The following CFAP47 variants were observed in gnomAD, a reference collection of about 807,000 sequenced individuals.
CFAP47 encodes cilia- and flagella-associated protein 47.
In CFAP47, 29 loss-of-function variants were observed where a neutral mutation model predicts 148.1. The observed-to-expected ratio is 0.20, with a 90% CI of 0.15 to 0.27. The LOEUF (loss-of-function observed/expected upper bound fraction) is 0.27. CFAP47 is among the 10% of genes least tolerant of loss of function. The pLI is 1.00. For missense variants in CFAP47, 1,872 were observed against 1,697.5 expected (o/e 1.10, Z -1.81); for synonymous variants, 664 against 577.3 (o/e 1.15, Z -2.15).
At chrX:36,125,899 T>C (rs1351113355) in intron 33 of CFAP47, among the ~76,000 whole-genome samples, 2 of 111,462 alleles carry the variant, frequency 1.8e-5, no homozygotes, top group Non-Finnish European at 3.8e-5. Flanking sequence ...TCATTTTTGC[T>C]ACATTTACTA....
chrX:35,968,644 C>T (rs757736237), intron 10 of CFAP47, among the ~76,000 whole-genome samples: 1 of 111,330 alleles, frequency 9.0e-6, no homozygotes, highest in African/African-American at 3.3e-5. Flanking sequence ...CAGACATTTT[C>T]TTGCAATACC....
intron 62 of CFAP47, among the ~76,000 whole-genome samples, chrX:36,370,145 C>T (rs1430875308): frequency 1.8e-5 from 2 of 111,061 alleles, no homozygotes; most frequent in East Asian, 5.7e-4. Context: ...TACATGTGCA[C>T]AACGTGCAGG....
rs1221854983 is a variant in CFAP47, at chrX:35,945,936, G to T, written c.518-2378G>T. Among the ~76,000 whole-genome samples the T allele has an allele frequency of 1.5e-4, 15 of 97,929 alleles. No individual in the cohort carries two copies. In the Admixed American group the frequency reaches 1.8e-3, roughly 12 times the overall value. 85.0% of individuals were successfully genotyped at this position (97,929 alleles called of 115,157 possible). On this transcript the variant is annotated intron_variant, in intron 3 of 63. Transcript: ENST00000378653. ...CACCCAGGCTGGAGTGCAGCGGCGT[G>T]CTCTTGGCTCACTGCAACCTCCGCC...
In CFAP47 at chrX:35,924,409, A is replaced by G. The variant is rs1417792799; in HGVS notation, c.250-1608A>G. The stretch of plus-strand genomic sequence containing the variant: ...CATATGTGTATATATGCACACACAT[A>G]TGTGTATATGCACACATATGTGTAT... On this transcript the variant is annotated intron_variant, in intron 1 of 63. Transcript: ENST00000378653. 4.0e-5 allele frequency among the ~76,000 whole-genome samples: 4 copies of G among 100,508 alleles called. 1 individual carries two copies. The highest frequency in any genetic ancestry group is 7.8e-5 in the Non-Finnish European group (4 of 51,370). 87.3% of individuals were successfully genotyped at this position (100,508 alleles called of 115,157 possible). A position where few individuals can be genotyped will look rare whatever the true frequency, so the allele number is the denominator to read the frequency against.
chrX:36,239,270 A>T (rs1371923313), intron 48 of CFAP47, among the ~76,000 whole-genome samples: 1 of 112,636 alleles, frequency 8.9e-6, no homozygotes, highest in African/African-American at 3.2e-5. Flanking sequence ...ACTGGCAAAA[A>T]TTGTCAAAAT....
chrX:35,921,382 CTG>C (rs1355226767), intron 1 of CFAP47, among the ~76,000 whole-genome samples: 2 of 112,198 alleles, frequency 1.8e-5, no homozygotes, highest in Non-Finnish European at 3.8e-5. Context: ...ACTCCAGACA[CTG>C]TAAAATTAAG....
chrX:36,285,787 G>A, intron 51 of CFAP47, 61 bp downstream of exon 51: 1 of 888,148 alleles, frequency 1.1e-6, no homozygotes, highest in Non-Finnish European at 1.6e-6. Flanking sequence ...ACCTTTTGTT[G>A]TATAGTAAAT....
chrX:36,125,611 G>A (rs1393828344), intron 33 of CFAP47, among the ~76,000 whole-genome samples: 4 of 111,217 alleles, frequency 3.6e-5, no homozygotes, highest in Non-Finnish European at 7.5e-5. Flanking sequence ...TTTTATCAAT[G>A]TTTCCATGCC....
At chrX:36,370,801 C>T (rs1941925324) in intron 62 of CFAP47, among the ~76,000 whole-genome samples, 1 of 110,677 alleles carries the variant, frequency 9.0e-6, no homozygotes, top group Non-Finnish European at 1.9e-5. Context: ...CCTCATGAAC[C>T]CAGTAATATT....
intron 63 of CFAP47, among the ~76,000 whole-genome samples, chrX:36,381,473 AATG>A (rs1443644724): frequency 1.8e-5 from 2 of 112,130 alleles, no homozygotes; most frequent in Admixed American, 9.6e-5. Flanking sequence ...TGGAAATAAA[AATG>A]ATGATTTTAA....
rs545674089 is a variant in CFAP47 at position 35,932,847 on chromosome X, G to A, written c.401+6679G>A. The stretch of plus-strand genomic sequence containing the variant: ...TCACCAGGTTGGCCAGGATGGTCTC[G>A]GTCTCTTGACCTTGTGATCTGCCCG... On this transcript the variant is annotated intron_variant, in intron 2 of 63. Coordinates refer to ENST00000378653, the MANE Select transcript of CFAP47 (RefSeq NM_001304548.2). Among the ~76,000 whole-genome samples the A allele has an allele frequency of 9.9e-5, 11 of 110,607 alleles. No homozygotes were observed. The South Asian group carries it at 4.2e-3, about 43-fold the overall frequency.
chrX:36,342,211 A>G (rs1339523992), intron 57 of CFAP47, among the ~76,000 whole-genome samples: 2 of 111,537 alleles, frequency 1.8e-5, no homozygotes, highest in Non-Finnish European at 3.8e-5. Flanking sequence ...AACCTATTCC[A>G]AGAACCTAGA....
At chrX:36,327,354 C>T (rs1255270435) in intron 57 of CFAP47, among the ~76,000 whole-genome samples, 9 of 111,995 alleles carry the variant, frequency 8.0e-5, no homozygotes, top group African/African-American at 2.9e-4. Flanking sequence ...AGCCAACAAA[C>T]GTATGAAAAA....
chrX:36,180,170 G>T (rs1160273056), intron 40 of CFAP47, among the ~76,000 whole-genome samples: 1 of 111,331 alleles, frequency 9.0e-6, no homozygotes, highest in Non-Finnish European at 1.9e-5. Flanking sequence ...GGATTGACAG[G>T]ATTTAAATTT....
intron 61 of CFAP47, among the ~76,000 whole-genome samples, chrX:36,364,723 TG>T (rs1215769932): frequency 1.9e-5 from 2 of 108,031 alleles, no homozygotes; most frequent in Admixed American, 2.0e-4. Context: ...AGAATTTTAC[TG>T]GGATTTGTTC....
At chrX:36,286,250 CATG>C (rs1342334021) in intron 51 of CFAP47, among the ~76,000 whole-genome samples, 14 of 110,707 alleles carry the variant, frequency 1.3e-4, no homozygotes, top group Admixed American at 3.8e-4. Flanking sequence ...TTAAATGAAA[CATG>C]AGGACAATAT....
At chrX:35,998,077 G>A (rs765106849) in intron 19 of CFAP47, among the ~76,000 whole-genome samples, 2 of 111,005 alleles carry the variant, frequency 1.8e-5, no homozygotes, top group African/African-American at 3.3e-5. Context: ...AACTTCACAA[G>A]ACTATTCCTA....
At position 36,159,015 on chromosome X, in the gene CFAP47, T is replaced by G. The variant is rs1229519614; in HGVS notation, c.5787-411T>G. ...ATCTGCCATTATTTGGTTATGAGTT[T>G]TGAATGTTATTTTCACTAATGATTT... On this transcript the variant is annotated intron_variant, in intron 37 of 63. Transcript: ENST00000378653. Among the ~76,000 whole-genome samples, 4 of 112,188 alleles carry G rather than the reference T, an allele frequency of 3.6e-5. No homozygotes were observed. In the East Asian group the frequency reaches 1.1e-3, roughly 31 times the overall value.
chrX:35,996,356 C>T (rs1312872933), intron 18 of CFAP47, among the ~76,000 whole-genome samples: 1 of 111,490 alleles, frequency 9.0e-6, no homozygotes, highest in Admixed American at 9.6e-5. Context: ...ATGAATATAG[C>T]TACTTTAATA....
Sources: allele counts gnomAD v4.1 joint callset (sites outside exome capture counted in the v4.1 genomes callset), GRCh38; gene constraint gnomAD v4.1.1; transcripts MANE v1.5; gene names NCBI Gene and HGNC (gene_info 2026-07-23, HGNC 2026-07-21).